Variants in CHI3L2 observed in about 807,000 individuals in gnomAD.
CHI3L2 encodes chitinase 3 like 2.
In CHI3L2, 47 loss-of-function variants were observed where a neutral mutation model predicts 47.3. The ratio of observed to expected loss-of-function variants is 0.99; its 90% CI spans 0.79 to 1.27. The LOEUF (loss-of-function observed/expected upper bound fraction) is 1.27, where lower values mean the gene tolerates loss of function less well. Among genes scored for constraint, CHI3L2 ranks in the 50% most tolerant of loss-of-function variants. The pLI is 0.00. For synonymous variants in CHI3L2, 198 were observed against 169.9 expected (o/e 1.17, Z -1.28); for missense variants, 497 against 462.1 (o/e 1.08, Z -0.69).
At chr1:111,229,745 GTGGCTCTATCT>G in intron 1 of CHI3L2, 96 bp from the exon 2 acceptor site, 1 of 1,419,680 alleles carries the variant, frequency 7.0e-7, no homozygotes, top group East Asian at 2.7e-5. Context: ...CAGATGAAGT[GTGGCTCTATCT>G]TGTATGTGAG....
In CHI3L2 at chr1:111,242,429, TG is replaced by T. The variant is rs879043591; in HGVS notation, c.*2+68del. On this transcript the variant is annotated intron_variant, in intron 10 of 10. Transcript: ENST00000369748. ...CTGGGCAGAACAGGGCACAGGAGACTGGGGGAGATCATCTTCACATATTTGG... is the reference window on the plus strand; with the variant it reads ...CTGGGCAGAACAGGGCACAGGAGACTGGGGAGATCATCTTCACATATTTGG... 63 of 1,486,422 alleles carry T rather than the reference TG, an allele frequency of 4.2e-5. No homozygotes were observed. In the South Asian group the frequency reaches 7.9e-4, roughly 19 times the overall value. 92.1% of individuals were successfully genotyped at this position (1,486,422 alleles called of 1,614,324 possible). A position where few individuals can be genotyped will look rare whatever the true frequency, so the allele number is the denominator to read the frequency against.
At chr1:111,234,778 C>A in intron 4 of CHI3L2, 129 bp from the exon 5 acceptor site, 1 of 832,226 alleles carries the variant, frequency 1.2e-6, no homozygotes, top group Non-Finnish European at 1.9e-6. Flanking sequence ...AAGGGGAAAG[C>A]ATTAGAATAG....
rs1175636390 is a variant in CHI3L2 at position 111,242,322 on chromosome 1, C to G, written c.1131C>G (p.Tyr377Ter). The G allele has an allele frequency of 6.2e-7, 1 of 1,613,522 alleles. No homozygotes were observed. The highest frequency in any genetic ancestry group is 1.1e-5 in the South Asian group (1 of 90,966). ...FTGKSCNQGP[Y>*]PLVQAVKRSL... ...GCAAATCCTGCAACCAGGGCCCTTA[C>G]CCTCTTGTCCAAGCAGTCAAGAGAA... The change falls in exon 10 of 11, where the codon TAC becomes TAG. Residue 377 changes from tyrosine to a stop codon, truncating the protein, a stop_gained. Transcript: ENST00000369748. LOFTEE classifies it high-confidence loss of function.
At chr1:111,240,403 C>G (rs1189028122) in intron 8 of CHI3L2, among the ~76,000 whole-genome samples, 2 of 152,174 alleles carry the variant, frequency 1.3e-5, no homozygotes, top group African/African-American at 2.4e-5. Flanking sequence ...GGGAGAGAGG[C>G]TGACCCATCC....
chr1:111,234,658 C>T (rs1358741655), intron 4 of CHI3L2, among the ~76,000 whole-genome samples: 1 of 152,184 alleles, frequency 6.6e-6, no homozygotes, highest in Non-Finnish European at 1.5e-5. Context: ...AGAGTCTTAG[C>T]CAAAGGCAGC....
intron 1 of CHI3L2, 167 bp from the exon 2 acceptor site, chr1:111,229,681 CAAAA>C (rs997929124): frequency 0.026 from 10,083 of 386,886 alleles, 12 homozygotes; most frequent in African/African-American, 0.065. Context: ...GACTCCGTCT[CAAAA>C]AAAAAAAAAA....
chr1:111,229,980 A>T (rs997961492), intron 2 of CHI3L2, 99 bp downstream of exon 2: 13 of 1,337,496 alleles, frequency 9.7e-6, no homozygotes, highest in Non-Finnish European at 1.3e-5. Context: ...TTTTCTCTTG[A>T]TTACTCTCTC....
rs1557710843 is a variant in CHI3L2, at chr1:111,238,739, T to C, written c.736-11T>C. The C allele has an allele frequency of 3.1e-6, 5 of 1,612,942 alleles. No homozygotes were observed. The highest frequency in any genetic ancestry group is 4.2e-6 in the Non-Finnish European group (5 of 1,179,532). On this transcript the variant is annotated splice_polypyrimidine_tract_variant and intron_variant, in intron 7 of 10. Coordinates refer to ENST00000369748, the MANE Select transcript of CHI3L2 (RefSeq NM_004000.3). ...CCACACTCTGAGCCTCCATCTCTCT[T>C]CCCATTCTAGGAATATGCTGTGGGG...
intron 8 of CHI3L2, among the ~76,000 whole-genome samples, chr1:111,240,873 G>C (rs1660030961): frequency 6.6e-6 from 1 of 152,218 alleles, no homozygotes; most frequent in Admixed American, 6.5e-5. Context: ...ATGAGGAATA[G>C]TGGTGATGGT....
At chr1:111,229,796 G>A in intron 1 of CHI3L2, 56 bp from the exon 2 acceptor site, 1 of 1,611,006 alleles carries the variant, frequency 6.2e-7, no homozygotes, top group East Asian at 2.2e-5. Flanking sequence ...CCATTATCTG[G>A]GACAGCAGAA....
At chr1:111,236,252 A>C (rs1414838713) in intron 7 of CHI3L2, 99 bp downstream of exon 7, 2 of 1,331,260 alleles carry the variant, frequency 1.5e-6, no homozygotes, top group Non-Finnish European at 2.1e-6. Flanking sequence ...ACTGAGGAAG[A>C]GCTATGAGCC....
rs759171837 is a variant in CHI3L2, at chr1:111,230,784, A to C, written c.113A>C (p.Gln38Pro). 3.1e-6 allele frequency: 5 copies of C among 1,614,084 alleles called. No individual in the cohort carries two copies. The highest frequency in any genetic ancestry group is 1.3e-5 in the African/African-American group (1 of 74,920). ...KLVCYFTNWS[Q>P]DRQEPGKFTP... ...GTTTGCTACTTTACCAACTGGTCCC[A>C]GGACCGGCAGGAACCAGGAAAATTC... Residue 38 changes from glutamine to proline, a missense_variant, in exon 3 of 11, where the codon CAG (glutamine) becomes CCG (proline). By Grantham distance (76) the Gln-to-Pro change is moderately conservative. Coordinates refer to ENST00000369748, the MANE Select transcript of CHI3L2 (RefSeq NM_004000.3).
At chr1:111,232,371 A>G (rs1659747549) in intron 4 of CHI3L2, among the ~76,000 whole-genome samples, 1 of 152,108 alleles carries the variant, frequency 6.6e-6, no homozygotes, top group South Asian at 2.1e-4. Context: ...TCATTCATTC[A>G]TTCAGTAAAT....
intron 6 of CHI3L2, 22 bp downstream of exon 6, chr1:111,235,785 T>G (rs750044807): frequency 1.9e-6 from 3 of 1,609,714 alleles, no homozygotes; most frequent in Non-Finnish European, 2.5e-6. Context: ...AGAGCAACTT[T>G]CCATCCCTCT....
chr1:111,234,760 T>C (rs2101550044), intron 4 of CHI3L2, 147 bp from the exon 5 acceptor site: 4 of 727,562 alleles, frequency 5.5e-6, no homozygotes, highest in Middle Eastern at 4.0e-4. Flanking sequence ...TTCTCTCGTC[T>C]GTTCCAAAAG....
chr1:111,232,305 G>A (rs1442866671), intron 4 of CHI3L2, among the ~76,000 whole-genome samples: 2 of 152,106 alleles, frequency 1.3e-5, no homozygotes, highest in African/African-American at 4.8e-5. Context: ...ACTTGCTTAG[G>A]TGTTGATGCA....
intron 8 of CHI3L2, 151 bp from the exon 9 acceptor site, chr1:111,241,176 T>C (rs1010127092): frequency 1.4e-6 from 1 of 696,000 alleles, no homozygotes; most frequent in Non-Finnish European, 2.6e-6. Flanking sequence ...CTTCATATGA[T>C]ATATGTGGTC....
intron 6 of CHI3L2, 37 bp from the exon 7 acceptor site, chr1:111,235,987 C>T (rs375683929): frequency 1.1e-5 from 17 of 1,610,664 alleles, no homozygotes; most frequent in South Asian, 7.7e-5. Context: ...TACCACTGCT[C>T]GTCACAAAAT....
At chr1:111,234,827 C>A in intron 4 of CHI3L2, 80 bp from the exon 5 acceptor site, 5 of 1,368,290 alleles carry the variant, frequency 3.7e-6, no homozygotes, top group Admixed American at 1.8e-5. Flanking sequence ...GAAGACTGCT[C>A]AGGATTTCTG....
Sources: allele counts gnomAD v4.1 joint callset (sites outside exome capture counted in the v4.1 genomes callset), GRCh38; gene constraint gnomAD v4.1.1; transcripts MANE v1.5; gene names NCBI Gene and HGNC (gene_info 2026-07-23, HGNC 2026-07-21).